The following ZNF532 variants were observed in gnomAD, a reference collection of about 807,000 sequenced individuals.
ZNF532 encodes the protein zinc finger protein 532.
Under a neutral mutation model 89.3 loss-of-function variants are expected in ZNF532, and 22 were observed. That is an observed-to-expected ratio of 0.25 (90% CI 0.18 to 0.35). The LOEUF is 0.35. Among genes scored for constraint, ZNF532 ranks in the 10% least tolerant of loss-of-function variants. ZNF532 has a pLI of 1.00. For synonymous variants in ZNF532, 606 were observed against 649.6 expected, an observed-to-expected ratio of 0.93 and a Z score of 1.02; for missense variants, 1,132 against 1,643.4, an observed-to-expected ratio of 0.69 and a Z score of 5.38.
Position 58,981,456 on chromosome 18 carries a change from C to G in ZNF532, c.3264-14C>G, listed in dbSNP as rs1254320795. The G allele has an allele frequency of 1.2e-6, 2 of 1,608,992 alleles. No homozygotes were observed. The highest frequency in any genetic ancestry group is 1.7e-6 in the Non-Finnish European group (2 of 1,178,946). ...GTCAGCAAGTGCGTTATCTCCTTGC[C>G]TTTCACCCCACAGGCACTGCCCAGA... On this transcript the variant is annotated splice_polypyrimidine_tract_variant and intron_variant, in intron 8 of 9. Coordinates refer to ENST00000591808, the MANE Select transcript of ZNF532 (RefSeq NM_001375912.1).
chr18:58,928,632 A>G (rs1271144815), intron 3 of ZNF532, among the ~76,000 whole-genome samples: 2 of 152,174 alleles, frequency 1.3e-5, no homozygotes, highest in East Asian at 3.9e-4. Context: ...GCAGAGGGAG[A>G]GAGCCTAGAG....
At position 58,951,648 on chromosome 18, in the gene ZNF532, T is replaced by TTTTTTTTTTG. The variant is rs763112592; in HGVS notation, c.2869-1861_2869-1860insGTTTTTTTTT. The stretch of plus-strand genomic sequence containing the variant: ...ATCACCTCAGCCCTCGCCCTGTTGT[T>TTTTTTTTTTG]TTTTTTTTTTTTTTTTTTTGAGATG... On this transcript the variant is annotated intron_variant, in intron 6 of 9. Coordinates refer to ENST00000591808, the MANE Select transcript of ZNF532 (RefSeq NM_001375912.1). 2.6e-3 allele frequency among the ~76,000 whole-genome samples: 300 copies of TTTTTTTTTTG among 116,334 alleles called. 5 individuals carry two copies. The highest frequency in any genetic ancestry group is 0.017 in the Middle Eastern group (4 of 232). The allele number at this position is 116,334 out of a possible 152,430, so 76.3% of individuals were successfully genotyped here. A position where few individuals can be genotyped will look rare whatever the true frequency, so the allele number is the denominator to read the frequency against.
chr18:58,976,973 T>A lies in ZNF532; in HGVS notation c.3151-2082T>A, dbSNP rs946635332. 5.9e-5 allele frequency among the ~76,000 whole-genome samples: 9 copies of A among 152,346 alleles called. No homozygotes were observed. In the East Asian group the frequency reaches 1.7e-3, roughly 29 times the overall value. On this transcript the variant is annotated intron_variant, in intron 7 of 9. Coordinates refer to ENST00000591808, the MANE Select transcript of ZNF532 (RefSeq NM_001375912.1). ...CACTCTTTTGCTGCATAAATGCTAATCCAAGAGGTTAGGGATTGCTGCTGG... is the reference window on the plus strand; with the variant it reads ...CACTCTTTTGCTGCATAAATGCTAAACCAAGAGGTTAGGGATTGCTGCTGG...
Position 58,960,002 on chromosome 18 carries a change from G to C in ZNF532, c.3150+6203G>C, listed in dbSNP as rs146373276. The stretch of plus-strand genomic sequence containing the variant: ...CACCCAAACTGGAGTGCAGTGGCAC[G>C]ATCTTGGCTCACTGCAACCTCCACC... On this transcript the variant is annotated intron_variant, in intron 7 of 9. Transcript: ENST00000591808. Among the ~76,000 whole-genome samples, 771 of 152,096 alleles carry C rather than the reference G, an allele frequency of 5.1e-3. 7 individuals are homozygous for C. The highest frequency in any genetic ancestry group is 0.017 in the African/African-American group (701 of 41,460).
At chr18:58,964,535 TTGTGTGTGTGTGTGTGTGTGTG>T (rs200298951) in intron 7 of ZNF532, among the ~76,000 whole-genome samples, 9 of 138,630 alleles carry the variant, frequency 6.5e-5, no homozygotes, top group South Asian at 2.4e-4. Flanking sequence ...GATATTTTGT[TTGTGTGTGTGTGTGTGTGTGTG>T]TGTGTGTGTG....
intron 2 of ZNF532, among the ~76,000 whole-genome samples, chr18:58,867,128 TTTA>T (rs1177841788): frequency 1.3e-5 from 2 of 152,248 alleles, no homozygotes; most frequent in African/African-American, 4.8e-5. Context: ...AATAAGCTGT[TTTA>T]TTATTTAGTC....
chr18:58,951,645 T>TGTTTTTTTTTTTG (rs149689468), intron 6 of ZNF532, among the ~76,000 whole-genome samples: 18,228 of 88,598 alleles, frequency 0.21, 2,483 homozygotes, highest in Middle Eastern at 0.31. Context: ...CTCGCCCTGT[T>TGTTTTTTTTTTTG]GTTTTTTTTT....
At chr18:58,912,212 T>C (rs1034741274) in intron 2 of ZNF532, among the ~76,000 whole-genome samples, 3 of 152,222 alleles carry the variant, frequency 2.0e-5, no homozygotes, top group African/African-American at 4.8e-5. Flanking sequence ...AAATCTGTTA[T>C]ATTTCAGATC....
At chr18:58,874,765 C>T (rs76371674) in intron 2 of ZNF532, among the ~76,000 whole-genome samples, 2,589 of 152,214 alleles carry the variant, frequency 0.017, 92 homozygotes, top group African/African-American at 0.059. Flanking sequence ...TAAAACAAAA[C>T]AAAACTTGAT....
intron 2 of ZNF532, among the ~76,000 whole-genome samples, chr18:58,888,851 ATAAT>A (rs1568248015): frequency 2.1e-5 from 1 of 47,086 alleles, no homozygotes; most frequent in Non-Finnish European, 3.6e-5. Flanking sequence ...TTATATATAT[ATAAT>A]TTATATATAT....
intron 2 of ZNF532, among the ~76,000 whole-genome samples, chr18:58,883,293 C>A (rs1488359022): frequency 6.6e-6 from 1 of 152,102 alleles, no homozygotes; most frequent in Non-Finnish European, 1.5e-5. Context: ...GTGGGGGATA[C>A]TTTCAGACAT....
intron 2 of ZNF532, among the ~76,000 whole-genome samples, chr18:58,871,000 A>G (rs1318112295): frequency 6.6e-6 from 1 of 152,138 alleles, no homozygotes; most frequent in Non-Finnish European, 1.5e-5. Context: ...TAATGAACAT[A>G]AAACAGAGAG....
chr18:58,948,326 A>G, intron 6 of ZNF532, 97 bp downstream of exon 6: 1 of 1,280,542 alleles, frequency 7.8e-7, no homozygotes, highest in Non-Finnish European at 1.1e-6. Flanking sequence ...AGCATGCCTC[A>G]CTGTCGAGGG....
intron 2 of ZNF532, among the ~76,000 whole-genome samples, chr18:58,911,661 TG>T (rs1328302252): frequency 1.3e-5 from 2 of 152,174 alleles, no homozygotes; most frequent in Non-Finnish European, 2.9e-5. Flanking sequence ...CACTCCAGCC[TG>T]GACAGCAGAG....
intron 2 of ZNF532, among the ~76,000 whole-genome samples, chr18:58,881,483 G>A (rs367672814): frequency 3.9e-5 from 6 of 152,166 alleles, no homozygotes; most frequent in East Asian, 3.8e-4. Context: ...CAAGGGGCAC[G>A]CAAGTTGAGG....
In ZNF532 at chr18:58,865,577, A is replaced by C. The variant is rs1304558047; in HGVS notation, c.-20A>C. ...GTCTTTCCAAAAGGTCAAGGTTCAC[A>C]AGGTGAGATACGCTGTTTTGAGCAT... is the stretch of plus-strand genomic sequence containing the variant. On this transcript the variant is annotated splice_region_variant and 5_prime_UTR_variant, in exon 2 of 10. Coordinates refer to ENST00000591808, the MANE Select transcript of ZNF532 (RefSeq NM_001375912.1). 1 of 153,144 alleles carries C rather than the reference A, an allele frequency of 6.5e-6. No homozygotes were observed. Among genetic ancestry groups the C allele is most frequent in the African/African-American group, 2.4e-5 (1 of 41,428 alleles). The allele number at this position is 153,144 out of a possible 1,614,324, so 9.5% of individuals were successfully genotyped here. A position where few individuals can be genotyped will look rare whatever the true frequency, so the allele number is the denominator to read the frequency against.
chr18:58,925,978 T>C (rs2061491553), intron 3 of ZNF532, among the ~76,000 whole-genome samples: 1 of 152,250 alleles, frequency 6.6e-6, no homozygotes, highest in South Asian at 2.1e-4. Flanking sequence ...ATCTACAGTC[T>C]GAGTACTGTA....
chr18:58,966,738 G>GTTTTGTTTTTTTTTTTTT (rs2065949156), intron 7 of ZNF532, among the ~76,000 whole-genome samples: 1 of 125,994 alleles, frequency 7.9e-6, no homozygotes, highest in African/African-American at 2.7e-5. Flanking sequence ...ATTTTTTTGT[G>GTTTTGTTTTTTTTTTTTT]TTTTTTTTTT....
intron 9 of ZNF532, 97 bp downstream of exon 9, chr18:58,981,714 T>C: frequency 5.9e-6 from 9 of 1,513,426 alleles, no homozygotes; most frequent in South Asian, 3.6e-5. Context: ...ATAGTTACAG[T>C]TTTAAAAATT....
Sources: allele counts gnomAD v4.1 joint callset (sites outside exome capture counted in the v4.1 genomes callset), GRCh38; gene constraint gnomAD v4.1.1; transcripts MANE v1.5; gene names NCBI Gene and HGNC (gene_info 2026-07-23, HGNC 2026-07-21).